Variants in ARMC3 observed in about 807,000 individuals in gnomAD.
ARMC3 encodes the protein armadillo repeat-containing protein 3.
In ARMC3, 74 loss-of-function variants were observed where a neutral mutation model predicts 90.3. The ratio of observed to expected loss-of-function variants is 0.82; its 90% CI spans 0.68 to 0.99. The LOEUF (loss-of-function observed/expected upper bound fraction) is 0.99, where lower values mean the gene tolerates loss of function less well. Among genes scored for constraint, ARMC3 ranks in the 50% least tolerant of loss-of-function variants. ARMC3 has a pLI of 0.00. For synonymous variants in ARMC3, 334 were observed against 361.8 expected (o/e 0.92, Z 0.87); for missense variants, 958 against 1,042.8 (o/e 0.92, Z 1.12).
chr10:22,965,137 T>A (rs970335580), intron 7 of ARMC3, among the ~76,000 whole-genome samples: 1 of 152,230 alleles, frequency 6.6e-6, no homozygotes, highest in Non-Finnish European at 1.5e-5. Flanking sequence ...TACTCACATA[T>A]GTATGATTTC....
At chr10:22,994,907 T>C (rs1182095949) in intron 10 of ARMC3, among the ~76,000 whole-genome samples, 1 of 152,272 alleles carries the variant, frequency 6.6e-6, no homozygotes, top group Non-Finnish European at 1.5e-5. Context: ...TACATTCCCA[T>C]ATTTGTTTTT....
At chr10:22,956,623 G>A (rs760583112) in intron 4 of ARMC3, among the ~76,000 whole-genome samples, 6 of 150,866 alleles carry the variant, frequency 4.0e-5, no homozygotes, top group Non-Finnish European at 7.4e-5. Flanking sequence ...TTTAGAAAGT[G>A]CACTTACTCC....
chr10:22,935,305 A>G (rs537256040), intron 2 of ARMC3, among the ~76,000 whole-genome samples: 34 of 152,304 alleles, frequency 2.2e-4, no homozygotes, highest in African/African-American at 7.5e-4. Context: ...TCCTTCATCA[A>G]TCTCAGAACT....
Position 22,996,031 on chromosome 10 carries a change from A to C in ARMC3, c.1176-2117A>C, listed in dbSNP as rs1836934128. On this transcript the variant is annotated intron_variant, in intron 10 of 18. Transcript: ENST00000298032. ...TGGCCAAGCATATTTATAATGATTA[A>C]CAAATACAAGGTATTTGGTTTAAGG... 1.3e-5 allele frequency among the ~76,000 whole-genome samples: 2 copies of C among 152,216 alleles called. 1 individual carries two copies. The highest frequency in any genetic ancestry group is 3.8e-4 in the East Asian group (2 of 5,206).
chr10:23,002,396 G>A (rs1020207335), intron 12 of ARMC3, among the ~76,000 whole-genome samples: 1 of 152,154 alleles, frequency 6.6e-6, no homozygotes, highest in African/African-American at 2.4e-5. Flanking sequence ...GGCGAGCTGT[G>A]TCTATCACCT....
At chr10:22,965,096 A>G (rs1835390989) in intron 7 of ARMC3, among the ~76,000 whole-genome samples, 1 of 152,192 alleles carries the variant, frequency 6.6e-6, no homozygotes, top group Non-Finnish European at 1.5e-5. Flanking sequence ...CTATCCATAT[A>G]TTCATCTATC....
chr10:22,956,390 G>T (rs188930167), intron 4 of ARMC3, among the ~76,000 whole-genome samples: 1 of 152,248 alleles, frequency 6.6e-6, no homozygotes, highest in Admixed American at 6.5e-5. Flanking sequence ...ATCACTTGAG[G>T]TCAGGAGTTC....
At chr10:23,021,381 T>C (rs546906337) in intron 16 of ARMC3, among the ~76,000 whole-genome samples, 1 of 152,346 alleles carries the variant, frequency 6.6e-6, no homozygotes, top group South Asian at 2.1e-4. Context: ...TTCTTTGAAA[T>C]CTCCAAACTT....
intron 7 of ARMC3, among the ~76,000 whole-genome samples, chr10:22,967,122 G>A (rs1446722122): frequency 2.0e-5 from 3 of 152,088 alleles, no homozygotes; most frequent in Non-Finnish European, 4.4e-5. Flanking sequence ...GAGTCCAGGG[G>A]TGCTGTACTG....
At chr10:22,941,840 G>C (rs970006033) in intron 2 of ARMC3, among the ~76,000 whole-genome samples, 4 of 152,170 alleles carry the variant, frequency 2.6e-5, no homozygotes, top group Non-Finnish European at 5.9e-5. Flanking sequence ...TTGTTCTTTT[G>C]AGAAGGAAAA....
At chr10:22,975,436 A>T (rs1278047681) in intron 8 of ARMC3, among the ~76,000 whole-genome samples, 2 of 152,080 alleles carry the variant, frequency 1.3e-5, no homozygotes, top group Non-Finnish European at 2.9e-5. Context: ...GTAGTGATAC[A>T]TGCTTGTAAT....
At chr10:22,937,436 G>A (rs925972524) in intron 2 of ARMC3, among the ~76,000 whole-genome samples, 4 of 152,172 alleles carry the variant, frequency 2.6e-5, no homozygotes, top group African/African-American at 4.8e-5. Flanking sequence ...TGGGGTGAAA[G>A]TTCCAAGAGG....
At chr10:22,984,432 T>C (rs1294340194) in intron 10 of ARMC3, among the ~76,000 whole-genome samples, 1 of 152,204 alleles carries the variant, frequency 6.6e-6, no homozygotes, top group Non-Finnish European at 1.5e-5. Flanking sequence ...GTACTTGTGG[T>C]AACGCTTTTT....
Position 23,037,974 on chromosome 10 carries a change from C to A in ARMC3, c.*495C>A, listed in dbSNP as rs1406522666. Reference sequence around the variant, plus strand: ...AGAATAAACACAGATCTGAGTGTTACAAATTCCTTTCTAAAAATTTTTGTT... The same window carrying A: ...AGAATAAACACAGATCTGAGTGTTAAAAATTCCTTTCTAAAAATTTTTGTT... On this transcript the variant is annotated 3_prime_UTR_variant, in exon 19 of 19. Coordinates refer to ENST00000298032, the MANE Select transcript of ARMC3 (RefSeq NM_173081.5). 1 of 152,270 alleles carries A rather than the reference C, an allele frequency of 6.6e-6. No homozygotes were observed. Among genetic ancestry groups the A allele is most frequent in the Non-Finnish European group, 1.5e-5 (1 of 68,114 alleles). The allele number at this position is 152,270 out of a possible 1,614,324, so 9.4% of individuals were successfully genotyped here. A position where few individuals can be genotyped will look rare whatever the true frequency, so the allele number is the denominator to read the frequency against.
chr10:22,951,738 AAAGTATTTAGAG>A (rs775344216), intron 3 of ARMC3, among the ~76,000 whole-genome samples: 151 of 152,354 alleles, frequency 9.9e-4, no homozygotes, highest in Non-Finnish European at 1.4e-3. Flanking sequence ...AGTGCCACTC[AAAGTATTTAGAG>A]AGAAGTTTAT....
chr10:22,943,553 G>C (rs969554604), intron 2 of ARMC3, among the ~76,000 whole-genome samples: 1 of 149,070 alleles, frequency 6.7e-6, no homozygotes, highest in African/African-American at 2.5e-5. Context: ...TACCTGTTTT[G>C]TTGAAAAAAA....
At chr10:22,982,644 A>C (rs887135244) in intron 10 of ARMC3, among the ~76,000 whole-genome samples, 4 of 152,248 alleles carry the variant, frequency 2.6e-5, no homozygotes, top group African/African-American at 9.6e-5. Context: ...TCTTTCCTCT[A>C]CAGGAGATTA....
At chr10:22,998,647 C>A (rs1837128869) in intron 11 of ARMC3, among the ~76,000 whole-genome samples, 1 of 152,114 alleles carries the variant, frequency 6.6e-6, no homozygotes, top group African/African-American at 2.4e-5. Flanking sequence ...CTCTGTGTAC[C>A]AGGAAGCATT....
In ARMC3 at chr10:23,003,333, CA is replaced by C. The variant is rs1308058621; in HGVS notation, c.1652del (p.Asn551IlefsTer4). 6.2e-6 allele frequency: 10 copies of C among 1,613,288 alleles called. No homozygotes were observed. In the Admixed American group the frequency reaches 6.7e-5, roughly 11 times the overall value. ...CAGCTTATAATAAGTTGCTCAATAA[CA>C]ATCTTTCCCTGAAATACAGCCAGAC... ...EAAYNKLLNN[N>X]LSLKYSQTGY... On this transcript the variant is annotated frameshift_variant, in exon 13 of 19. Coordinates refer to ENST00000298032, the MANE Select transcript of ARMC3 (RefSeq NM_173081.5). LOFTEE classifies it high-confidence loss of function.
Sources: gnomAD v4.1 joint callset for allele counts (sites outside exome capture counted in the v4.1 genomes callset) on GRCh38, gnomAD v4.1.1 for gene constraint, MANE v1.5 for transcripts, NCBI Gene and HGNC (gene_info 2026-07-23, HGNC 2026-07-21) for gene names.